PDE1A: variants seen among roughly 807,000 people sequenced by gnomAD.
The protein encoded by PDE1A is dual specificity calcium/calmodulin-dependent 3',5'-cyclic nucleotide phosphodiesterase 1A.
In PDE1A, 35 loss-of-function variants were observed where a neutral mutation model predicts 61.7. The ratio of observed to expected loss-of-function variants is 0.57; its 90% CI spans 0.43 to 0.75. PDE1A has a LOEUF of 0.75. Ranked by LOEUF, PDE1A falls within the 30% of genes least tolerant of loss-of-function variation. The pLI, the probability that PDE1A is intolerant of heterozygous loss-of-function variation, is 0.00. For missense variants in PDE1A, 597 were observed against 630.6 expected, an observed-to-expected ratio of 0.95 and a Z score of 0.57; for synonymous variants, 232 against 213.2, an observed-to-expected ratio of 1.09 and a Z score of -0.77.
At chr2:182,662,537 CA>C in the PDE1A span, among the ~76,000 whole-genome samples, 2 of 152,014 alleles carry the variant, frequency 1.3e-5, no homozygotes, top group Non-Finnish European at 2.9e-5. Context: ...TAAGCCTGCA[CA>C]CCTACAACTG....
intron 13 of PDE1A, among the ~76,000 whole-genome samples, chr2:182,161,844 C>G (rs554637376): frequency 6.6e-6 from 1 of 152,208 alleles, no homozygotes; most frequent in South Asian, 2.1e-4. Context: ...GCCCACTAAG[C>G]ATATATTCTG....
At chr2:182,695,981 G>C in the PDE1A span, among the ~76,000 whole-genome samples, 2 of 152,110 alleles carry the variant, frequency 1.3e-5, no homozygotes, top group Admixed American at 1.3e-4. Context: ...GCAAGTATGT[G>C]GAACAACAGG....
chr2:182,521,724 G>C (rs1037482992), intron 2 of PDE1A, among the ~76,000 whole-genome samples: 8 of 152,092 alleles, frequency 5.3e-5, no homozygotes, highest in African/African-American at 1.9e-4. Context: ...ACTGTGAACT[G>C]GTTAATTTAA....
the PDE1A span, among the ~76,000 whole-genome samples, chr2:182,692,689 A>T: frequency 6.8e-6 from 1 of 148,118 alleles, no homozygotes; most frequent in East Asian, 1.9e-4. Flanking sequence ...ATATATATAA[A>T]ATATATATAT....
chr2:182,452,829 C>T lies in PDE1A; in HGVS notation c.101+69447G>A, dbSNP rs186988249. ...CCAGTGGTTAAACACCATGGCAAAA[C>T]CAGAATAATCAAGGGATAACTTTCC... On this transcript the variant is annotated intron_variant, in intron 2 of 14. Coordinates refer to the PDE1A transcript ENST00000410103. Among the ~76,000 whole-genome samples the T allele has an allele frequency of 4.6e-3, 697 of 152,184 alleles. 7 individuals are homozygous for T. Among genetic ancestry groups the T allele is most frequent in the Non-Finnish European group, 5.6e-3 (381 of 67,988 alleles).
chr2:182,610,335 C>G, the PDE1A span, among the ~76,000 whole-genome samples: 1 of 152,126 alleles, frequency 6.6e-6, no homozygotes, highest in African/African-American at 2.4e-5. Flanking sequence ...TGCCTTTTCT[C>G]CAGTTAATCT....
chr2:182,168,048 C>T (rs994322485), exon 14 of PDE1A: 54 of 1,276,910 alleles, frequency 4.2e-5, no homozygotes, highest in Non-Finnish European at 4.8e-5. Context: ...TGAATCTGTT[C>T]GGTAGCAGTT....
At chr2:182,688,487 T>C in the PDE1A span, among the ~76,000 whole-genome samples, 2 of 152,166 alleles carry the variant, frequency 1.3e-5, no homozygotes, top group African/African-American at 4.8e-5. Flanking sequence ...CCGAGAGATT[T>C]TGTCACCACT....
At chr2:182,659,909 A>G in the PDE1A span, among the ~76,000 whole-genome samples, 1 of 152,254 alleles carries the variant, frequency 6.6e-6, no homozygotes, top group Non-Finnish European at 1.5e-5. Flanking sequence ...TAATGCTGTC[A>G]TAATTTTGTA....
upstream of PDE1A, among the ~76,000 whole-genome samples, chr2:182,524,295 T>C (rs1690726066): frequency 6.6e-6 from 1 of 152,132 alleles, no homozygotes; most frequent in Admixed American, 6.5e-5. Context: ...TACTCTATAA[T>C]TATTATTTTA....
At chr2:182,385,640 G>GAAAGAAGAAGAAAGAAAGAAAGAAAGA (rs1553606357) in intron 1 of PDE1A, among the ~76,000 whole-genome samples, 3 of 70,486 alleles carry the variant, frequency 4.3e-5, no homozygotes, top group African/African-American at 1.3e-4. Context: ...AAAGAAAGAA[G>GAAAGAAGAAGAAAGAAAGAAAGAAAGA]AAGAAAGAAA....
At chr2:182,421,924 C>G in intron 1 of PDE1A, among the ~76,000 whole-genome samples, 1 of 152,120 alleles carries the variant, frequency 6.6e-6, no homozygotes, top group East Asian at 1.9e-4. Flanking sequence ...CTATTTCATC[C>G]CACTGCTTTC....
the PDE1A span, among the ~76,000 whole-genome samples, chr2:182,693,432 A>T: frequency 6.6e-6 from 1 of 152,206 alleles, no homozygotes; most frequent in Non-Finnish European, 1.5e-5. Flanking sequence ...AATAATGTGC[A>T]GCAGCCTTTT....
the PDE1A span, among the ~76,000 whole-genome samples, chr2:182,585,500 T>C: frequency 6.6e-6 from 1 of 152,176 alleles, no homozygotes; most frequent in Non-Finnish European, 1.5e-5. Flanking sequence ...TATTTCCTCA[T>C]TCAAAAAGCA....
intron 2 of PDE1A, among the ~76,000 whole-genome samples, chr2:182,244,881 G>A (rs964720870): frequency 1.3e-5 from 2 of 152,206 alleles, no homozygotes; most frequent in Non-Finnish European, 2.9e-5. Context: ...CTGTGTGCAA[G>A]AACTGACTTA....
At chr2:182,435,305 T>C (rs1051129450) in intron 2 of PDE1A, among the ~76,000 whole-genome samples, 6 of 152,064 alleles carry the variant, frequency 3.9e-5, no homozygotes, top group African/African-American at 1.4e-4. Flanking sequence ...AGAAGTCTCC[T>C]TAATATAAAA....
At chr2:182,510,407 T>C (rs1167478027) in intron 2 of PDE1A, among the ~76,000 whole-genome samples, 2 of 152,190 alleles carry the variant, frequency 1.3e-5, no homozygotes, top group Non-Finnish European at 2.9e-5. Context: ...TTCTTTCATA[T>C]CCAAAAGGCC....
chr2:182,148,334 T>C (rs79778627), intron 13 of PDE1A, among the ~76,000 whole-genome samples: 2,480 of 152,202 alleles, frequency 0.016, 64 homozygotes, highest in African/African-American at 0.057. Context: ...TTGCTCTCCC[T>C]CCACTGGCTA....
the PDE1A span, among the ~76,000 whole-genome samples, chr2:182,616,061 G>A: frequency 6.6e-6 from 1 of 152,148 alleles, no homozygotes; most frequent in Non-Finnish European, 1.5e-5. Flanking sequence ...TTAAGTCTTA[G>A]CTTCTCAGCA....
Sources: gnomAD v4.1 joint callset for allele counts (sites outside exome capture counted in the v4.1 genomes callset) on GRCh38, gnomAD v4.1.1 for gene constraint, MANE v1.5 for transcripts, NCBI Gene and HGNC (gene_info 2026-07-23, HGNC 2026-07-21) for gene names.